ADAMTS18: variants seen among roughly 807,000 people sequenced by gnomAD.
The protein encoded by ADAMTS18 is A disintegrin and metalloproteinase with thrombospondin motifs 18.
ADAMTS18 carries 157 observed loss-of-function variants against 165.9 expected under a neutral mutation model. That is an observed-to-expected ratio of 0.95 (90% CI 0.83 to 1.08). The LOEUF is 1.08. ADAMTS18 is among the 50% of genes least tolerant of loss of function. The pLI is 0.00. For synonymous variants in ADAMTS18, 782 were observed against 578.2 expected (o/e 1.35, Z -5.06); for missense variants, 2,040 against 1,534.0 (o/e 1.33, Z -5.51).
chr16:77,364,100 A>G, intron 5 of ADAMTS18, 88 bp downstream of exon 5: 2 of 1,536,342 alleles, frequency 1.3e-6, no homozygotes, highest in South Asian at 1.1e-5. Context: ...GCACCGACCT[A>G]ATACACCTGC....
At chr16:77,370,358 A>G (rs1326654105) in intron 3 of ADAMTS18, among the ~76,000 whole-genome samples, 5 of 152,224 alleles carry the variant, frequency 3.3e-5, no homozygotes, top group Non-Finnish European at 5.9e-5. Flanking sequence ...TCAAAAAACT[A>G]TTAGAATAGA....
intron 16 of ADAMTS18, among the ~76,000 whole-genome samples, chr16:77,303,780 TC>T: frequency 6.6e-6 from 1 of 152,206 alleles, no homozygotes; most frequent in Admixed American, 6.5e-5. Flanking sequence ...GCGCCTGTAA[TC>T]CCAGTACTTT....
chr16:77,386,137 C>T (rs913856080), intron 3 of ADAMTS18, among the ~76,000 whole-genome samples: 3 of 152,154 alleles, frequency 2.0e-5, no homozygotes, highest in Non-Finnish European at 2.9e-5. Flanking sequence ...ATACAAAGTA[C>T]AATTTCTGCG....
At chr16:77,346,106 CTCCT>C (rs2056471988) in intron 10 of ADAMTS18, among the ~76,000 whole-genome samples, 1 of 152,132 alleles carries the variant, frequency 6.6e-6, no homozygotes, top group African/African-American at 2.4e-5. Context: ...TCTCTCTTAC[CTCCT>C]TCAAGTCTTT....
intron 3 of ADAMTS18, among the ~76,000 whole-genome samples, chr16:77,396,963 C>T (rs562847362): frequency 1.5e-4 from 23 of 152,158 alleles, no homozygotes; most frequent in Admixed American, 1.1e-3. Flanking sequence ...CCCGCCACCA[C>T]GCCTGGCTAA....
intron 3 of ADAMTS18, among the ~76,000 whole-genome samples, chr16:77,381,405 G>A (rs533358875): frequency 6.6e-6 from 1 of 152,162 alleles, no homozygotes; most frequent in Non-Finnish European, 1.5e-5. Flanking sequence ...CTCCCGCCAA[G>A]TACCTGCTGT....
intron 12 of ADAMTS18, among the ~76,000 whole-genome samples, chr16:77,334,735 T>TATATATAGTATAC (rs1567491827): frequency 3.4e-5 from 4 of 116,192 alleles, no homozygotes; most frequent in Non-Finnish European, 5.0e-5. Flanking sequence ...CTATATACTA[T>TATATATAGTATAC]AGTATATATA....
chr16:77,393,513 T>C (rs1409613630), intron 3 of ADAMTS18, among the ~76,000 whole-genome samples: 3 of 152,042 alleles, frequency 2.0e-5, no homozygotes, highest in Non-Finnish European at 4.4e-5. Flanking sequence ...TCTTAGGAGG[T>C]AGGATCTCCT....
Position 77,291,451 on chromosome 16 carries a change from T to A in ADAMTS18, c.3217A>T (p.Arg1073Trp). The change falls in exon 21 of 23, where the codon AGG (arginine) becomes TGG (tryptophan). Residue 1073 changes from arginine (R) to tryptophan (W), a missense_variant. By Grantham distance (101) the Arg-to-Trp change is moderately radical (BLOSUM62 -3). Coordinates refer to ENST00000282849, the MANE Select transcript of ADAMTS18 (RefSeq NM_199355.4). ...ECSATCGLGV[R>W]KREMKCSEKG... ...TCGCTGCACTTCATCTCCCTCTTCC[T>A]CACACCCAAACCACAGGTTGCAGAA... 6.2e-7 allele frequency: 1 copy of A among 1,614,162 alleles called. No homozygotes were observed. The highest frequency in any genetic ancestry group is 1.1e-5 in the South Asian group (1 of 91,080).
chr16:77,284,966 T>TTAAG (rs1471784343), intron 22 of ADAMTS18, among the ~76,000 whole-genome samples: 2 of 151,038 alleles, frequency 1.3e-5, no homozygotes, highest in Non-Finnish European at 2.9e-5. Flanking sequence ...CTGTGTAGGT[T>TTAAG]TAAGTCAATC....
At chr16:77,391,514 T>C (rs941518039) in intron 3 of ADAMTS18, among the ~76,000 whole-genome samples, 1 of 149,148 alleles carries the variant, frequency 6.7e-6, no homozygotes, top group African/African-American at 2.5e-5. Context: ...AACAAGAGGC[T>C]TGGGACAAAT....
intron 3 of ADAMTS18, among the ~76,000 whole-genome samples, chr16:77,368,940 C>G (rs1036597822): frequency 1.3e-5 from 2 of 152,172 alleles, no homozygotes; most frequent in Non-Finnish European, 2.9e-5. Flanking sequence ...ATCTTCGTAC[C>G]TGATTTTGCA....
At chr16:77,329,477 T>C (rs1029993700) in intron 12 of ADAMTS18, among the ~76,000 whole-genome samples, 18 of 152,118 alleles carry the variant, frequency 1.2e-4, no homozygotes, top group Admixed American at 5.9e-4. Flanking sequence ...ACCTCCTCAT[T>C]TGCAAAATAG....
At chr16:77,303,728 T>C (rs77458642) in intron 16 of ADAMTS18, among the ~76,000 whole-genome samples, 14,990 of 152,116 alleles carry the variant, frequency 0.099, 840 homozygotes, top group East Asian at 0.25. Flanking sequence ...GTCACAGTTA[T>C]TTGGGTTAAA....
chr16:77,372,344 T>A (rs996378229), intron 3 of ADAMTS18, among the ~76,000 whole-genome samples: 2 of 152,218 alleles, frequency 1.3e-5, no homozygotes, highest in African/African-American at 2.4e-5. Context: ...CTAGTCACAA[T>A]AGCCAAGACA....
intron 3 of ADAMTS18, among the ~76,000 whole-genome samples, chr16:77,392,772 T>C (rs1484319137): frequency 1.3e-5 from 2 of 152,166 alleles, no homozygotes; most frequent in Non-Finnish European, 2.9e-5. Flanking sequence ...GGCAGATCTC[T>C]GTGCAAAAAT....
chr16:77,407,484 T>C (rs2057407888), intron 3 of ADAMTS18, among the ~76,000 whole-genome samples: 1 of 152,022 alleles, frequency 6.6e-6, no homozygotes, highest in South Asian at 2.1e-4. Flanking sequence ...AAGAACACAA[T>C]ATAGTCACGA....
intron 3 of ADAMTS18, among the ~76,000 whole-genome samples, chr16:77,419,145 T>C (rs2057567900): frequency 9.5e-6 from 1 of 105,356 alleles, no homozygotes; most frequent in African/African-American, 3.1e-5. Flanking sequence ...CTAGACTCCA[T>C]CTCAGGGGGA....
chr16:77,380,978 AC>A (rs2144770077), intron 3 of ADAMTS18, among the ~76,000 whole-genome samples: 1 of 151,946 alleles, frequency 6.6e-6, no homozygotes, highest in Non-Finnish European at 1.5e-5. Context: ...GGTTCAAGCA[AC>A]CCTCCCTGCC....
Sources: gnomAD v4.1 joint callset for allele counts (sites outside exome capture counted in the v4.1 genomes callset) on GRCh38, gnomAD v4.1.1 for gene constraint, MANE v1.5 for transcripts, NCBI Gene and HGNC (gene_info 2026-07-23, HGNC 2026-07-21) for gene names.